The following CDH18 variants were observed in gnomAD, a reference collection of about 807,000 sequenced individuals.
CDH18 encodes the protein cadherin-18.
Under a neutral mutation model 67.9 loss-of-function variants are expected in CDH18, and 31 were observed. The observed-to-expected ratio is 0.46, with a 90% CI of 0.34 to 0.62. The LOEUF is 0.62. Among genes scored for constraint, CDH18 ranks in the 20% least tolerant of loss-of-function variants. The pLI, the probability that CDH18 is intolerant of heterozygous loss-of-function variation, is 0.01. For synonymous variants in CDH18, 362 were observed against 347.2 expected (o/e 1.04, Z -0.48); for missense variants, 890 against 975.5 (o/e 0.91, Z 1.17).
chr5:20,119,305 G>C lies in CDH18; in HGVS notation c.-517-127291C>G, dbSNP rs985710625. Among the ~76,000 whole-genome samples the C allele has an allele frequency of 2.0e-5, 3 of 152,174 alleles. No individual in the cohort carries two copies. The East Asian group carries it at 5.8e-4, about 29-fold the overall frequency. ...ATTCCACTGACTCCTGTAATACCTA[G>C]ATATCTTCTTTATATAAATCTAGAC... On this transcript the variant is annotated intron_variant, in intron 2 of 14. Transcript: ENST00000507958.
At chr5:19,638,990 T>TG (rs1561521176) in intron 5 of CDH18, among the ~76,000 whole-genome samples, 11 of 96,422 alleles carry the variant, frequency 1.1e-4, no homozygotes, top group African/African-American at 3.3e-4. Flanking sequence ...TTTTTTTTTT[T>TG]TTTTTTTTTT....
chr5:19,766,473 G>A (rs534503083), intron 3 of CDH18, among the ~76,000 whole-genome samples: 2 of 152,062 alleles, frequency 1.3e-5, no homozygotes, highest in East Asian at 3.9e-4. Context: ...TTAGATTGTC[G>A]TACTTATCCT....
chr5:19,513,395 AAAGTCTATAGTTAC>A (rs532497961), intron 10 of CDH18, among the ~76,000 whole-genome samples: 7 of 152,156 alleles, frequency 4.6e-5, no homozygotes, highest in South Asian at 2.1e-4. Context: ...TGATATCTGT[AAAGTCTATAGTTAC>A]AAGAGGCGGT....
At chr5:19,593,743 T>C (rs545904020) in intron 6 of CDH18, among the ~76,000 whole-genome samples, 85 of 146,004 alleles carry the variant, frequency 5.8e-4, no homozygotes, top group African/African-American at 2.1e-3. Flanking sequence ...TTCTTCTTCT[T>C]CTTCTTCTTC....
chr5:20,478,241 T>C (rs532095000), intron 1 of CDH18, among the ~76,000 whole-genome samples: 19 of 151,998 alleles, frequency 1.3e-4, no homozygotes, highest in Non-Finnish European at 2.2e-4. Context: ...AAGGGAGACA[T>C]TGAGATGCAG....
intron 3 of CDH18, among the ~76,000 whole-genome samples, chr5:19,750,052 G>A (rs564265024): frequency 6.6e-6 from 1 of 152,008 alleles, no homozygotes; most frequent in African/African-American, 2.4e-5. Context: ...TTTAAATAAC[G>A]TAGATGATCA....
At chr5:20,525,350 G>A in intron 1 of CDH18, among the ~76,000 whole-genome samples, 1 of 152,048 alleles carries the variant, frequency 6.6e-6, no homozygotes, top group Non-Finnish European at 1.5e-5. Context: ...CTGAGGCGGG[G>A]TTCATCTTAG....
chr5:19,638,977 G>GTGTT (rs1753589286), intron 5 of CDH18, among the ~76,000 whole-genome samples: 1 of 54,686 alleles, frequency 1.8e-5, no homozygotes, highest in Admixed American at 3.0e-4. Context: ...TTTTGTTGCT[G>GTGTT]TTTTTTTTTT....
chr5:19,878,358 T>A (rs2150047439), intron 2 of CDH18, among the ~76,000 whole-genome samples: 1 of 152,142 alleles, frequency 6.6e-6, no homozygotes, highest in East Asian at 1.9e-4. Flanking sequence ...TAGAACGTAT[T>A]TATATTATTC....
At chr5:20,146,683 AC>A (rs1307154186) in intron 2 of CDH18, among the ~76,000 whole-genome samples, 9 of 152,082 alleles carry the variant, frequency 5.9e-5, no homozygotes, top group African/African-American at 2.2e-4. Context: ...TTTACCACAA[AC>A]AAAAATATTA....
At chr5:19,873,952 A>G (rs1395509484) in intron 2 of CDH18, among the ~76,000 whole-genome samples, 1 of 152,258 alleles carries the variant, frequency 6.6e-6, no homozygotes, top group East Asian at 1.9e-4. Flanking sequence ...CTGGCCAAAA[A>G]AAATCATTTT....
In CDH18 at chr5:19,747,126, T is replaced by G. The variant is rs766918994; in HGVS notation, c.339A>C (p.Thr113=). The change falls in exon 4 of 13, where the codon ACA becomes ACC. Residue 113 remains threonine, a synonymous_variant. Coordinates refer to ENST00000382275, the MANE Select transcript of CDH18 (RefSeq NM_004934.5). The stretch of plus-strand genomic sequence containing the variant: ...TCTTCTGCTCTCTGTCTAGGCTTTT[T>G]GTTGAGTGGATATCACCCGTGGTAT... ...IDDTTGDIHS[T]KSLDREQKTH... 1.2e-6 allele frequency: 2 copies of G among 1,614,152 alleles called. No homozygotes were observed. Among genetic ancestry groups the G allele is most frequent in the Non-Finnish European group, 1.7e-6 (2 of 1,180,004 alleles).
At chr5:20,294,345 C>T (rs747676966) in intron 1 of CDH18, among the ~76,000 whole-genome samples, 14 of 152,122 alleles carry the variant, frequency 9.2e-5, no homozygotes, top group Non-Finnish European at 1.6e-4. Flanking sequence ...CCTGTTAGCC[C>T]GTAACAGGAA....
At chr5:19,500,183 T>C (rs1253045938) in intron 11 of CDH18, among the ~76,000 whole-genome samples, 4 of 152,078 alleles carry the variant, frequency 2.6e-5, no homozygotes, top group African/African-American at 9.7e-5. Context: ...CTTATTCCAC[T>C]GTATTTTCAT....
At chr5:20,337,441 T>G (rs895461702) in intron 1 of CDH18, among the ~76,000 whole-genome samples, 1 of 152,188 alleles carries the variant, frequency 6.6e-6, no homozygotes, top group Non-Finnish European at 1.5e-5. Context: ...GGTATTTGTC[T>G]GTTGCCAGAT....
At chr5:19,656,434 T>C (rs1332892651) in intron 5 of CDH18, among the ~76,000 whole-genome samples, 1 of 152,150 alleles carries the variant, frequency 6.6e-6, no homozygotes, top group African/African-American at 2.4e-5. Flanking sequence ...TGGATTATGC[T>C]GGCATTTAAT....
intron 2 of CDH18, among the ~76,000 whole-genome samples, chr5:19,935,655 A>G (rs1051930107): frequency 1.3e-5 from 2 of 151,338 alleles, no homozygotes; most frequent in East Asian, 1.9e-4. Flanking sequence ...CGCATTTCTC[A>G]GAATGTATCT....
At chr5:20,448,432 A>G (rs999761613) in intron 1 of CDH18, among the ~76,000 whole-genome samples, 1 of 152,122 alleles carries the variant, frequency 6.6e-6, no homozygotes, top group African/African-American at 2.4e-5. Context: ...AAAACCTTGA[A>G]TAAACTTTAT....
chr5:19,961,408 A>G (rs1440165411), intron 2 of CDH18, among the ~76,000 whole-genome samples: 2 of 151,962 alleles, frequency 1.3e-5, no homozygotes, highest in Non-Finnish European at 2.9e-5. Flanking sequence ...TGCCCAGCCA[A>G]CTACATTATA....
Sources: gnomAD v4.1 joint callset for allele counts (sites outside exome capture counted in the v4.1 genomes callset) on GRCh38, gnomAD v4.1.1 for gene constraint, MANE v1.5 for transcripts, NCBI Gene and HGNC (gene_info 2026-07-23, HGNC 2026-07-21) for gene names.